RGS6: variants seen among roughly 807,000 people sequenced by gnomAD.
The protein encoded by RGS6 is regulator of G protein signaling 6.
Under a neutral mutation model 78.5 loss-of-function variants are expected in RGS6, and 30 were observed. The ratio of observed to expected loss-of-function variants is 0.38; its 90% CI spans 0.29 to 0.52. The LOEUF (loss-of-function observed/expected upper bound fraction) is 0.52. Ranked by LOEUF, RGS6 falls within the 20% of genes least tolerant of loss-of-function variation. The probability of loss-of-function intolerance (pLI) is 0.85; values close to 1 mark genes in which losing one functional copy is unlikely to be tolerated. For synonymous variants in RGS6, 206 were observed against 206.0 expected (o/e 1.00, Z 0.00); for missense variants, 495 against 609.7 (o/e 0.81, Z 1.98).
At chr14:72,493,106 G>A (rs890555671) in intron 12 of RGS6, among the ~76,000 whole-genome samples, 4 of 152,076 alleles carry the variant, frequency 2.6e-5, no homozygotes, top group South Asian at 2.1e-4. Flanking sequence ...CCATCCACAC[G>A]CCCACTGAGC....
chr14:71,936,267 G>A (rs942160012), intron 1 of RGS6, among the ~76,000 whole-genome samples: 1 of 151,818 alleles, frequency 6.6e-6, no homozygotes, highest in African/African-American at 2.4e-5. Flanking sequence ...AGGGCAGGAA[G>A]CATCCAGCAT....
intron 12 of RGS6, among the ~76,000 whole-genome samples, chr14:72,482,628 T>A (rs919654610): frequency 5.9e-5 from 9 of 152,184 alleles, no homozygotes; most frequent in African/African-American, 2.2e-4. Flanking sequence ...TAGGATGGCC[T>A]CAGCTGGGAC....
the RGS6 span, among the ~76,000 whole-genome samples, chr14:72,585,371 A>T: frequency 0.015 from 2,255 of 152,276 alleles, 56 homozygotes; most frequent in African/African-American, 0.052. Context: ...AGACTCTGAG[A>T]TGGATATTAA....
At chr14:72,407,138 G>C (rs1008767271) in intron 3 of RGS6, among the ~76,000 whole-genome samples, 4 of 152,174 alleles carry the variant, frequency 2.6e-5, no homozygotes, top group Middle Eastern at 3.2e-3. Context: ...CTAATACCAA[G>C]ACCCTAGGTG....
At chr14:72,127,959 T>C (rs891444562) in intron 2 of RGS6, among the ~76,000 whole-genome samples, 17 of 152,206 alleles carry the variant, frequency 1.1e-4, no homozygotes, top group African/African-American at 3.9e-4. Flanking sequence ...CTCAGCATAA[T>C]TGCCCAAGAT....
intron 12 of RGS6, among the ~76,000 whole-genome samples, chr14:72,479,999 TC>T (rs1011829843): frequency 6.6e-6 from 1 of 152,208 alleles, no homozygotes; most frequent in Non-Finnish European, 1.5e-5. Flanking sequence ...AGCATCTGTT[TC>T]TTTGGATCTA....
chr14:72,006,626 G>A (rs978506416), intron 2 of RGS6, among the ~76,000 whole-genome samples: 1 of 152,224 alleles, frequency 6.6e-6, no homozygotes, highest in South Asian at 2.1e-4. Context: ...CTGGCCATCA[G>A]CTTGATTGCA....
chr14:71,962,694 A>G (rs948277658), intron 1 of RGS6, among the ~76,000 whole-genome samples: 2 of 152,212 alleles, frequency 1.3e-5, no homozygotes, highest in Non-Finnish European at 2.9e-5. Flanking sequence ...TTACCTCTTT[A>G]TGTAATCTAA....
chr14:72,194,617 C>T (rs1474043431), intron 2 of RGS6, among the ~76,000 whole-genome samples: 1 of 152,150 alleles, frequency 6.6e-6, no homozygotes. Context: ...CCACCTTGGC[C>T]TTCCAAAGTG....
intron 17 of RGS6, among the ~76,000 whole-genome samples, chr14:72,546,447 C>T (rs962639619): frequency 5.9e-5 from 9 of 152,192 alleles, no homozygotes; most frequent in Non-Finnish European, 8.8e-5. Flanking sequence ...AGTTGGTTGT[C>T]ATTTTTGAGA....
intron 2 of RGS6, among the ~76,000 whole-genome samples, chr14:72,233,975 G>A (rs1363209680): frequency 6.6e-6 from 1 of 152,124 alleles, no homozygotes; most frequent in Middle Eastern, 3.2e-3. Flanking sequence ...TCATTTGGGG[G>A]TAGCGGCTGT....
At chr14:72,283,384 C>T (rs2061915303) in intron 2 of RGS6, among the ~76,000 whole-genome samples, 1 of 152,186 alleles carries the variant, frequency 6.6e-6, no homozygotes, top group African/African-American at 2.4e-5. Context: ...CAAACCTCAT[C>T]TTGAATTGTA....
At chr14:72,501,379 GAA>G (rs1397683773) in intron 13 of RGS6, among the ~76,000 whole-genome samples, 3 of 144,686 alleles carry the variant, frequency 2.1e-5, no homozygotes, top group African/African-American at 8.6e-5. Context: ...CCAAGGATAA[GAA>G]AGTTATATTC....
chr14:71,935,661 G>T (rs1158069121), intron 1 of RGS6, among the ~76,000 whole-genome samples: 2 of 152,130 alleles, frequency 1.3e-5, no homozygotes, highest in Non-Finnish European at 2.9e-5. Flanking sequence ...GAAGTAGAAA[G>T]GTCATTGGCC....
chr14:72,397,756 A>G (rs2091671540), intron 3 of RGS6, among the ~76,000 whole-genome samples: 2 of 152,184 alleles, frequency 1.3e-5, no homozygotes, highest in Non-Finnish European at 1.5e-5. Flanking sequence ...GTTTTTTAGC[A>G]TGAAGCGTTG....
At chr14:71,956,782 C>T (rs1211842420) in intron 1 of RGS6, among the ~76,000 whole-genome samples, 1 of 152,118 alleles carries the variant, frequency 6.6e-6, no homozygotes, top group Non-Finnish European at 1.5e-5. Context: ...CAAGTTGACA[C>T]TCAGTATTAA....
At chr14:72,184,491 G>A (rs2097213995) in intron 2 of RGS6, among the ~76,000 whole-genome samples, 1 of 151,966 alleles carries the variant, frequency 6.6e-6, no homozygotes. Context: ...TCTTTGTTGA[G>A]AGTTAATGAG....
At chr14:72,094,329 A>G (rs2095352406) in intron 2 of RGS6, among the ~76,000 whole-genome samples, 4 of 152,160 alleles carry the variant, frequency 2.6e-5, no homozygotes, top group African/African-American at 4.8e-5. Context: ...ATATTGTTCT[A>G]TGTCTTGTTT....
intron 2 of RGS6, among the ~76,000 whole-genome samples, chr14:72,158,005 G>A (rs901643608): frequency 2.0e-5 from 3 of 152,052 alleles, no homozygotes; most frequent in African/African-American, 7.2e-5. Flanking sequence ...CCCGCACTTT[G>A]TCCATTCTTT....
Sources: allele counts gnomAD v4.1 joint callset (sites outside exome capture counted in the v4.1 genomes callset), GRCh38; gene constraint gnomAD v4.1.1; transcripts MANE v1.5; gene names NCBI Gene and HGNC (gene_info 2026-07-23, HGNC 2026-07-21).